KCNIP1: variants seen among roughly 807,000 people sequenced by gnomAD.
The protein encoded by KCNIP1 is potassium voltage-gated channel interacting protein 1.
In KCNIP1, 18 loss-of-function variants were observed where a neutral mutation model predicts 33.0. The observed-to-expected ratio is 0.55, with a 90% CI of 0.38 to 0.81. The LOEUF (loss-of-function observed/expected upper bound fraction) is 0.81. KCNIP1 is among the 30% of genes least tolerant of loss of function. The pLI is 0.00. For missense variants in KCNIP1, 238 were observed against 271.6 expected (o/e 0.88, Z 0.87); for synonymous variants, 93 against 98.3 (o/e 0.95, Z 0.32).
chr5:170,456,326 G>A (rs1756373693), intron 1 of KCNIP1, among the ~76,000 whole-genome samples: 1 of 151,992 alleles, frequency 6.6e-6, no homozygotes, highest in African/African-American at 2.4e-5. Flanking sequence ...GGGGGCAAGT[G>A]GAGGGAGAGC....
chr5:170,530,306 T>C (rs929501811), intron 1 of KCNIP1, among the ~76,000 whole-genome samples: 3 of 152,248 alleles, frequency 2.0e-5, no homozygotes, highest in Admixed American at 2.0e-4. Context: ...ATATTAATAA[T>C]AGTCAACATG....
chr5:170,554,562 T>C (rs916212539), intron 1 of KCNIP1, among the ~76,000 whole-genome samples: 1 of 152,178 alleles, frequency 6.6e-6, no homozygotes, highest in Non-Finnish European at 1.5e-5. Flanking sequence ...CTCAGGCACC[T>C]GAAGAGTCTT....
intron 1 of KCNIP1, among the ~76,000 whole-genome samples, chr5:170,458,442 G>A (rs1044634204): frequency 2.6e-5 from 4 of 152,158 alleles, no homozygotes; most frequent in African/African-American, 9.7e-5. Flanking sequence ...TAAGAGCTGT[G>A]AGGCAAAAGC....
At chr5:170,371,902 C>T (rs765809850) in intron 1 of KCNIP1, among the ~76,000 whole-genome samples, 1 of 151,980 alleles carries the variant, frequency 6.6e-6, no homozygotes, top group African/African-American at 2.4e-5. Context: ...TCTGACACCA[C>T]GTAAGAGGGT....
intron 1 of KCNIP1, among the ~76,000 whole-genome samples, chr5:170,487,932 G>T (rs1581236377): frequency 6.6e-6 from 1 of 152,048 alleles, no homozygotes; most frequent in Non-Finnish European, 1.5e-5. Flanking sequence ...CTTCCTCCTT[G>T]CCTCCCTTTG....
chr5:170,666,588 T>C (rs1348685044), intron 1 of KCNIP1, among the ~76,000 whole-genome samples: 2 of 152,212 alleles, frequency 1.3e-5, no homozygotes, highest in African/African-American at 4.8e-5. Flanking sequence ...TGAAAATAAG[T>C]ATCCCAAATA....
intron 1 of KCNIP1, among the ~76,000 whole-genome samples, chr5:170,715,268 C>T (rs767886141): frequency 2.6e-5 from 4 of 152,138 alleles, no homozygotes; most frequent in Admixed American, 2.0e-4. Context: ...TCTAGGTTTG[C>T]GTGAGTATAC....
intron 1 of KCNIP1, among the ~76,000 whole-genome samples, chr5:170,490,835 G>C (rs746178740): frequency 1.3e-5 from 2 of 152,134 alleles, no homozygotes; most frequent in African/African-American, 2.4e-5. Context: ...TGCACCTTGA[G>C]CACACCCAGC....
chr5:170,612,273 T>C (rs549383222), intron 1 of KCNIP1, among the ~76,000 whole-genome samples: 167 of 152,272 alleles, frequency 1.1e-3, no homozygotes, highest in African/African-American at 3.7e-3. Context: ...CCAAATTTCC[T>C]CCCTAGCCAC....
chr5:170,367,839 T>G (rs988541440), intron 1 of KCNIP1, among the ~76,000 whole-genome samples: 10 of 152,218 alleles, frequency 6.6e-5, no homozygotes, highest in African/African-American at 2.2e-4. Context: ...TCTAACCCAT[T>G]GACCCAGAAG....
At chr5:170,687,625 T>C (rs1762583034) in intron 1 of KCNIP1, among the ~76,000 whole-genome samples, 1 of 152,260 alleles carries the variant, frequency 6.6e-6, no homozygotes, top group Non-Finnish European at 1.5e-5. Context: ...GTATTCACTC[T>C]GAGCCATGCC....
chr5:170,655,880 C>T (rs138857043), intron 1 of KCNIP1, among the ~76,000 whole-genome samples: 5 of 152,312 alleles, frequency 3.3e-5, no homozygotes, highest in Admixed American at 6.5e-5. Flanking sequence ...ACCAATGGTT[C>T]GGCCACCCGG....
rs138496972 is a variant in KCNIP1, at chr5:170,677,609, C to T, written c.62-41149C>T. Among the ~76,000 whole-genome samples the T allele has an allele frequency of 7.2e-5, 11 of 152,218 alleles. No individual in the cohort carries two copies. The East Asian group carries it at 2.1e-3, about 29-fold the overall frequency. On this transcript the variant is annotated intron_variant, in intron 1 of 7. Coordinates refer to ENST00000328939, the MANE Select transcript of KCNIP1 (RefSeq NM_014592.4). ...TTTCCAAGACGCCTGGGGGACTCTG[C>T]AGACCATGGCCAGTATTCATTTGTC...
chr5:170,686,377 G>C (rs1762538187), intron 1 of KCNIP1, among the ~76,000 whole-genome samples: 1 of 152,122 alleles, frequency 6.6e-6, no homozygotes, highest in Non-Finnish European at 1.5e-5. Context: ...AGGAACAGAG[G>C]AAGATGCGAA....
chr5:170,584,705 G>C (rs1397166169), intron 1 of KCNIP1, among the ~76,000 whole-genome samples: 1 of 152,178 alleles, frequency 6.6e-6, no homozygotes, highest in Non-Finnish European at 1.5e-5. Flanking sequence ...GTGGCTGGCA[G>C]AGGGGACTCT....
intron 1 of KCNIP1, among the ~76,000 whole-genome samples, chr5:170,461,450 T>C (rs1421978940): frequency 6.6e-6 from 1 of 152,056 alleles, no homozygotes; most frequent in Admixed American, 6.5e-5. Context: ...ATGGTACTGG[T>C]ATAAAAATAG....
chr5:170,628,660 G>A (rs1341624431), intron 1 of KCNIP1, among the ~76,000 whole-genome samples: 1 of 152,156 alleles, frequency 6.6e-6, no homozygotes. Context: ...CCTGGGGTCT[G>A]GGCTCTGAAG....
At chr5:170,508,622 C>G (rs1352169796) in intron 1 of KCNIP1, among the ~76,000 whole-genome samples, 1 of 152,222 alleles carries the variant, frequency 6.6e-6, no homozygotes, top group Non-Finnish European at 1.5e-5. Flanking sequence ...AAGGAGAATC[C>G]TGATGTATAG....
At chr5:170,538,233 C>G (rs144986078) in intron 1 of KCNIP1, among the ~76,000 whole-genome samples, 24 of 152,284 alleles carry the variant, frequency 1.6e-4, no homozygotes, top group Middle Eastern at 3.4e-3. Context: ...GGCATGTTCT[C>G]AAGTAGAAGT....
Sources: allele counts gnomAD v4.1 joint callset (sites outside exome capture counted in the v4.1 genomes callset), GRCh38; gene constraint gnomAD v4.1.1; transcripts MANE v1.5; gene names NCBI Gene and HGNC (gene_info 2026-07-23, HGNC 2026-07-21).